GRIP1: variants seen among roughly 807,000 people sequenced by gnomAD.
GRIP1 encodes glutamate receptor interacting protein 1, also known as glutamate receptor-interacting protein 1.
Under a neutral mutation model 129.9 loss-of-function variants are expected in GRIP1, and 45 were observed. That is an observed-to-expected ratio of 0.35 (90% CI 0.27 to 0.44). The LOEUF is 0.44. GRIP1 is among the 20% of genes least tolerant of loss of function. The pLI is 1.00. For synonymous variants in GRIP1, 530 were observed against 520.8 expected, an observed-to-expected ratio of 1.02 and a Z score of -0.24; for missense variants, 1,196 against 1,396.8, an observed-to-expected ratio of 0.86 and a Z score of 2.29.
chr12:66,351,712 C>T (rs1299443791), intron 24 of GRIP1, among the ~76,000 whole-genome samples: 1 of 152,014 alleles, frequency 6.6e-6, no homozygotes, highest in African/African-American at 2.4e-5. Flanking sequence ...GCCCCTAGTC[C>T]AGACTTGAGG....
chr12:66,568,137 AG>A, intron 2 of GRIP1: 1 of 277,378 alleles, frequency 3.6e-6, no homozygotes. Flanking sequence ...TTGGAAACCC[AG>A]GGAACTGGTC....
rs374079292 is a variant in GRIP1 at position 66,842,350 on chromosome 12, T to C, written c.58+226700A>G. On this transcript the variant is annotated intron_variant, in intron 1 of 1. Coordinates refer to the GRIP1 transcript ENST00000643019. ...TACAATTGTATATTGGAAGGATATATCATGATTTGGTTAATCAAACTTGTT... is the reference window on the plus strand; with the variant it reads ...TACAATTGTATATTGGAAGGATATACCATGATTTGGTTAATCAAACTTGTT... Among the ~76,000 whole-genome samples the C allele has an allele frequency of 1.7e-4, 26 of 152,216 alleles. No individual in the cohort carries two copies. The South Asian group carries it at 4.8e-3, about 28-fold the overall frequency.
At chr12:66,602,172 C>G (rs1279651982) in intron 1 of GRIP1, among the ~76,000 whole-genome samples, 2 of 152,084 alleles carry the variant, frequency 1.3e-5, no homozygotes, top group African/African-American at 4.8e-5. Flanking sequence ...GTAACTGGGT[C>G]CTGTGAACAT....
At chr12:66,854,059 G>C (rs536415830) in intron 1 of GRIP1, among the ~76,000 whole-genome samples, 1 of 152,116 alleles carries the variant, frequency 6.6e-6, no homozygotes, top group Non-Finnish European at 1.5e-5. Context: ...ATGAGCAGGA[G>C]ATTTATTGAG....
rs1277833362 is a variant in GRIP1 at position 66,349,094 on chromosome 12, T to G, written c.3312A>C (p.Glu1104Asp). The change falls in exon 25 of 25, where the codon GAA becomes GAC. Residue 1104 changes from glutamate (E) to aspartate (D), a missense_variant. By Grantham distance (45) the Glu-to-Asp change is conservative (BLOSUM62 2). Coordinates refer to ENST00000359742, the MANE Select transcript of GRIP1 (RefSeq NM_001366722.1). ...DQQSLPGDWS[E>D]QNSAFFQQPS... Reference sequence around the variant, plus strand: ...GCTGCTGGAAAAAAGCACTGTTCTGTTCACTCCAATCTCCTGGTAGACTCT... The same window carrying G: ...GCTGCTGGAAAAAAGCACTGTTCTGGTCACTCCAATCTCCTGGTAGACTCT... 2 of 1,614,172 alleles carry G rather than the reference T, an allele frequency of 1.2e-6. No individual in the cohort carries two copies. Among genetic ancestry groups the G allele is most frequent in the African/African-American group, 2.7e-5 (2 of 75,052 alleles).
In GRIP1 at chr12:66,815,788, A is replaced by AAAC. The variant is rs1566036645; in HGVS notation, c.59-218862_59-218861insGTT. Among the ~76,000 whole-genome samples the AAAC allele has an allele frequency of 9.1e-5, 13 of 142,728 alleles. No individual in the cohort carries two copies. The East Asian group carries it at 1.0e-3, about 11-fold the overall frequency. The allele number at this position is 142,728 out of a possible 152,430, so 93.6% of individuals were successfully genotyped here. On this transcript the variant is annotated intron_variant, in intron 1 of 1. Coordinates refer to the GRIP1 transcript ENST00000643019. ...CAAACCAAACAAACAAACAAACAAAAAAAATGGGGAGTGGCTTAAACAAGA... is the reference window on the plus strand; with the variant it reads ...CAAACCAAACAAACAAACAAACAAAAAACAAAATGGGGAGTGGCTTAAACAAGA...
At chr12:66,583,101 C>T (rs979010476) in intron 2 of GRIP1, among the ~76,000 whole-genome samples, 25 of 151,416 alleles carry the variant, frequency 1.7e-4, no homozygotes, top group Non-Finnish European at 1.5e-4. Flanking sequence ...GAAATAACGC[C>T]GCATATCTAC....
intron 13 of GRIP1, among the ~76,000 whole-genome samples, chr12:66,439,487 A>T (rs920834139): frequency 6.6e-6 from 1 of 151,794 alleles, no homozygotes; most frequent in African/African-American, 2.4e-5. Flanking sequence ...ATTGATTCTC[A>T]TCTCTCCCAC....
intron 1 of GRIP1, among the ~76,000 whole-genome samples, chr12:66,896,451 A>C (rs777816250): frequency 9.2e-5 from 13 of 140,848 alleles, no homozygotes; most frequent in Non-Finnish European, 1.5e-4. Context: ...AGTCAGAGTG[A>C]CTGTGAGAAT....
At chr12:66,473,301 C>T (rs529799700) in intron 7 of GRIP1, among the ~76,000 whole-genome samples, 72 of 152,346 alleles carry the variant, frequency 4.7e-4, no homozygotes, top group Non-Finnish European at 7.5e-4. Context: ...GGCAGGGCAT[C>T]TCTGAAAGAA....
At chr12:66,588,602 A>G (rs1381127165) in intron 2 of GRIP1, among the ~76,000 whole-genome samples, 1 of 152,130 alleles carries the variant, frequency 6.6e-6, no homozygotes, top group African/African-American at 2.4e-5. Context: ...CAAAATTTAT[A>G]TTTAACTGGG....
intron 23 of GRIP1, among the ~76,000 whole-genome samples, chr12:66,359,121 A>C (rs1237983452): frequency 2.0e-5 from 3 of 152,192 alleles, no homozygotes; most frequent in Non-Finnish European, 4.4e-5. Flanking sequence ...ACAGAGGTGC[A>C]GTCCTGCAGA....
chr12:67,059,719 T>C (rs779978225), intron 1 of GRIP1, among the ~76,000 whole-genome samples: 7 of 152,182 alleles, frequency 4.6e-5, no homozygotes, highest in African/African-American at 7.2e-5. Context: ...GTGTGTAAAT[T>C]TGTAGGCACA....
At chr12:66,589,480 A>G (rs546115034) in intron 2 of GRIP1, among the ~76,000 whole-genome samples, 2 of 152,174 alleles carry the variant, frequency 1.3e-5, no homozygotes, top group Admixed American at 6.5e-5. Flanking sequence ...TGTCAAAGTC[A>G]TGTCTTCTGA....
intron 1 of GRIP1, among the ~76,000 whole-genome samples, chr12:66,999,897 C>T (rs2042525474): frequency 6.6e-6 from 1 of 152,072 alleles, no homozygotes; most frequent in Non-Finnish European, 1.5e-5. Flanking sequence ...TTGTCTTACA[C>T]CTTCCTGCAC....
At chr12:66,783,045 T>C (rs1490536924) in intron 1 of GRIP1, among the ~76,000 whole-genome samples, 1 of 144,204 alleles carries the variant, frequency 6.9e-6, no homozygotes, top group Non-Finnish European at 1.5e-5. Flanking sequence ...GTAAAGGTAC[T>C]TTTTTTTTTT....
At chr12:66,379,584 G>A (rs1281273976) in intron 19 of GRIP1, 148 bp from the exon 20 acceptor site, 1 of 832,408 alleles carries the variant, frequency 1.2e-6, no homozygotes, top group Admixed American at 1.9e-5. Context: ...GTGCACCAAA[G>A]ACTTCACCAA....
intron 1 of GRIP1, among the ~76,000 whole-genome samples, chr12:66,725,819 T>A (rs932244514): frequency 1.3e-5 from 2 of 152,238 alleles, no homozygotes; most frequent in African/African-American, 2.4e-5. Context: ...CATTTTACTT[T>A]GATTTCTTTA....
chr12:66,417,599 G>C (rs1297892366), intron 15 of GRIP1, among the ~76,000 whole-genome samples: 2 of 152,074 alleles, frequency 1.3e-5, no homozygotes, highest in Non-Finnish European at 2.9e-5. Flanking sequence ...AAAGTTGCAG[G>C]CTTCAAAATA....
Sources: gnomAD v4.1 joint callset for allele counts (sites outside exome capture counted in the v4.1 genomes callset) on GRCh38, gnomAD v4.1.1 for gene constraint, MANE v1.5 for transcripts, NCBI Gene and HGNC (gene_info 2026-07-23, HGNC 2026-07-21) for gene names.